SLC25A21: variants seen among roughly 807,000 people sequenced by gnomAD.
SLC25A21 encodes solute carrier family 25 member 21.
SLC25A21 carries 47 observed loss-of-function variants against 43.8 expected under a neutral mutation model. The ratio of observed to expected loss-of-function variants is 1.07; its 90% CI spans 0.85 to 1.37. The LOEUF (loss-of-function observed/expected upper bound fraction) is 1.37. SLC25A21 is among the 40% of genes most tolerant of loss of function. SLC25A21 has a pLI of 0.00. For missense variants in SLC25A21, 352 were observed against 350.2 expected, an observed-to-expected ratio of 1.00 and a Z score of -0.04; for synonymous variants, 131 against 121.3, an observed-to-expected ratio of 1.08 and a Z score of -0.52.
intron 1 of SLC25A21, among the ~76,000 whole-genome samples, chr14:36,948,527 G>C (rs1286211704): frequency 1.3e-5 from 2 of 152,046 alleles, no homozygotes; most frequent in African/African-American, 4.8e-5. Context: ...GATAATGAAA[G>C]TAAAAAGACA....
intron 1 of SLC25A21, among the ~76,000 whole-genome samples, chr14:37,079,018 C>A (rs1962336054): frequency 6.6e-6 from 1 of 152,142 alleles, no homozygotes; most frequent in African/African-American, 2.4e-5. Flanking sequence ...TTCTCTTTTC[C>A]TTAAAAAACT....
intron 2 of SLC25A21, among the ~76,000 whole-genome samples, chr14:36,862,747 T>A (rs1890107984): frequency 6.6e-6 from 1 of 152,174 alleles, no homozygotes; most frequent in Admixed American, 6.5e-5. Flanking sequence ...ATTCCAGAAC[T>A]TAAAGTATAA....
At position 36,768,104 on chromosome 14, in the gene SLC25A21, T is replaced by C. The variant is rs116650478; in HGVS notation, c.204-33531A>G. Among the ~76,000 whole-genome samples, 1,449 of 152,334 alleles carry C rather than the reference T, an allele frequency of 9.5e-3. 29 individuals carry two copies. Among genetic ancestry groups the C allele is most frequent in the African/African-American group, 0.033 (1,353 of 41,574 alleles). On this transcript the variant is annotated intron_variant, in intron 3 of 9. Coordinates refer to ENST00000331299, the MANE Select transcript of SLC25A21 (RefSeq NM_030631.4). ...CATTCCAATTGGCTCTTCACATTTCTGTGGCCCTGGAATCACCCACTGGCA... is the reference window on the plus strand; with the variant it reads ...CATTCCAATTGGCTCTTCACATTTCCGTGGCCCTGGAATCACCCACTGGCA...
chr14:36,807,246 T>G (rs1394458368), intron 3 of SLC25A21: 1 of 152,304 alleles, frequency 6.6e-6, no homozygotes, highest in Non-Finnish European at 1.5e-5. Flanking sequence ...TGTAGTCTGA[T>G]AAAAGCAACC....
intron 2 of SLC25A21, among the ~76,000 whole-genome samples, chr14:36,822,535 C>T (rs1332750134): frequency 6.6e-6 from 1 of 152,142 alleles, no homozygotes; most frequent in Non-Finnish European, 1.5e-5. Context: ...CAATAAGTGT[C>T]TCTATGTTAT....
chr14:36,830,206 C>T (rs990550785), intron 2 of SLC25A21, among the ~76,000 whole-genome samples: 1 of 152,162 alleles, frequency 6.6e-6, no homozygotes, highest in East Asian at 1.9e-4. Flanking sequence ...ATCCAAAGAA[C>T]TAATCACAAT....
At chr14:37,026,868 C>T (rs1304467000) in intron 1 of SLC25A21, among the ~76,000 whole-genome samples, 1 of 152,124 alleles carries the variant, frequency 6.6e-6, no homozygotes, top group Non-Finnish European at 1.5e-5. Flanking sequence ...GCTAATTCTA[C>T]TTATGACAAT....
chr14:37,070,292 C>T (rs1007007299), intron 1 of SLC25A21, among the ~76,000 whole-genome samples: 4 of 152,124 alleles, frequency 2.6e-5, no homozygotes, highest in African/African-American at 7.2e-5. Context: ...ATTGTTTCCT[C>T]AATCTGTTAT....
intron 7 of SLC25A21, 104 bp from the exon 8 acceptor site, chr14:36,685,029 G>T: frequency 2.6e-6 from 2 of 779,554 alleles, no homozygotes; most frequent in South Asian, 2.7e-5. Flanking sequence ...TGCACTCCCG[G>T]CACCCTCCTG....
intron 7 of SLC25A21, among the ~76,000 whole-genome samples, chr14:36,701,677 T>C (rs1466111669): frequency 6.6e-6 from 1 of 152,204 alleles, no homozygotes; most frequent in African/African-American, 2.4e-5. Flanking sequence ...ACAGATATAA[T>C]ATGTATTGTA....
At chr14:36,949,878 A>C (rs1325974325) in intron 1 of SLC25A21, among the ~76,000 whole-genome samples, 1 of 152,184 alleles carries the variant, frequency 6.6e-6, no homozygotes, top group Non-Finnish European at 1.5e-5. Flanking sequence ...GGTTTCTTCA[A>C]AAAGGTGGGG....
intron 1 of SLC25A21, among the ~76,000 whole-genome samples, chr14:36,943,427 T>C (rs957010096): frequency 1.3e-5 from 2 of 152,306 alleles, no homozygotes; most frequent in South Asian, 2.1e-4. Context: ...CCTGGCCTCA[T>C]GTGATCTGCC....
intron 1 of SLC25A21, among the ~76,000 whole-genome samples, chr14:37,120,240 A>T (rs1487960175): frequency 6.6e-6 from 1 of 152,148 alleles, no homozygotes; most frequent in Non-Finnish European, 1.5e-5. Flanking sequence ...GGAGCAAATT[A>T]TCTCCTCACC....
chr14:36,874,953 T>A lies in SLC25A21; in HGVS notation c.119+3A>T. 1 of 1,609,592 alleles carries A rather than the reference T, an allele frequency of 6.2e-7. No homozygotes were observed. The highest frequency in any genetic ancestry group is 2.2e-5 in the East Asian group (1 of 44,668). Reference sequence around the variant, plus strand: ...AATAAAACTTGTTCATGCAGAACCTTACCTGGTTTTCACCACATCTAGGGG... The same window carrying A: ...AATAAAACTTGTTCATGCAGAACCTAACCTGGTTTTCACCACATCTAGGGG... On this transcript the variant is annotated splice_donor_region_variant and intron_variant, in intron 2 of 9. Coordinates refer to ENST00000331299, the MANE Select transcript of SLC25A21 (RefSeq NM_030631.4).
intron 2 of SLC25A21, among the ~76,000 whole-genome samples, chr14:36,860,409 G>C (rs1890033824): frequency 1.3e-5 from 2 of 152,196 alleles, no homozygotes; most frequent in South Asian, 4.1e-4. Flanking sequence ...TCAGTTTCCA[G>C]GTTGGGGAGT....
intron 1 of SLC25A21, among the ~76,000 whole-genome samples, chr14:36,998,940 C>G (rs566198925): frequency 1.7e-4 from 26 of 152,214 alleles, no homozygotes; most frequent in Non-Finnish European, 2.5e-4. Context: ...GGAATTCTCA[C>G]TCACTCATTC....
At chr14:36,775,835 C>T (rs1399804846) in intron 3 of SLC25A21, among the ~76,000 whole-genome samples, 1 of 152,148 alleles carries the variant, frequency 6.6e-6, no homozygotes, top group South Asian at 2.1e-4. Context: ...AGGTGCCCTA[C>T]CCCCACCCAA....
At chr14:36,923,814 A>C (rs1892049667) in intron 1 of SLC25A21, among the ~76,000 whole-genome samples, 1 of 152,200 alleles carries the variant, frequency 6.6e-6, no homozygotes, top group East Asian at 1.9e-4. Context: ...ATCTACAAAG[A>C]ACTCAAACAA....
At chr14:36,872,704 C>T (rs796840191) in intron 2 of SLC25A21, among the ~76,000 whole-genome samples, 15 of 152,294 alleles carry the variant, frequency 9.8e-5, no homozygotes, top group African/African-American at 3.4e-4. Flanking sequence ...TATCTTCCTC[C>T]CTGCTGAAGT....
Sources: gnomAD v4.1 joint callset for allele counts (sites outside exome capture counted in the v4.1 genomes callset) on GRCh38, gnomAD v4.1.1 for gene constraint, MANE v1.5 for transcripts, NCBI Gene and HGNC (gene_info 2026-07-23, HGNC 2026-07-21) for gene names.